Variants in DYM observed in about 807,000 individuals in gnomAD.
DYM encodes the protein dymeclin, also known as dyggve-Melchior-Clausen syndrome protein.
In DYM, 78 loss-of-function variants were observed where a neutral mutation model predicts 93.1. The ratio of observed to expected loss-of-function variants is 0.84; its 90% confidence interval spans 0.70 to 1.01. The LOEUF is 1.01. Among genes scored for constraint, DYM ranks in the 50% least tolerant of loss-of-function variants. DYM has a pLI of 0.00. For synonymous variants in DYM, 321 were observed against 319.7 expected (o/e 1.00, Z -0.04); for missense variants, 789 against 845.0 (o/e 0.93, Z 0.82).
In DYM at chr18:49,333,900, A is replaced by G. The variant is rs1179497757; in HGVS notation, c.495-47T>C. 5.1e-6 allele frequency: 8 copies of G among 1,556,218 alleles called. No individual in the cohort carries two copies. In the South Asian group the frequency reaches 9.0e-5, roughly 17 times the overall value. On this transcript the variant is annotated intron_variant, in intron 6 of 17. Coordinates refer to ENST00000675505, the MANE Select transcript of DYM (RefSeq NM_001353214.3). ...GTAACAGTCACTTTGGAAGATTAAG[A>G]CACTATTCTTTTCTAAATGAACTAT...
chr18:49,065,861 C>T (rs564451360), intron 17 of DYM, among the ~76,000 whole-genome samples: 8 of 152,010 alleles, frequency 5.3e-5, no homozygotes, highest in South Asian at 2.1e-4. Flanking sequence ...AGAGCAAAAA[C>T]GGGTGAAATC....
At chr18:49,145,375 T>A (rs2085008249) in intron 15 of DYM, among the ~76,000 whole-genome samples, 1 of 151,810 alleles carries the variant, frequency 6.6e-6, no homozygotes, top group African/African-American at 2.4e-5. Flanking sequence ...TATATTTAGG[T>A]TCACTGATTT....
intron 2 of DYM, among the ~76,000 whole-genome samples, chr18:49,418,941 T>TG (rs2073323056): frequency 6.6e-6 from 1 of 152,002 alleles, no homozygotes; most frequent in South Asian, 2.1e-4. Context: ...CTTGTGGCGG[T>TG]GGGGGTGGGA....
At chr18:49,260,282 A>G (rs112841682) in intron 11 of DYM, among the ~76,000 whole-genome samples, 2,182 of 152,304 alleles carry the variant, frequency 0.014, 54 homozygotes, top group African/African-American at 0.049. Flanking sequence ...CTCTGGAGGC[A>G]GAGGCATGAG....
rs182882041 is a variant in DYM, at chr18:49,159,434, T to C, written c.1728+4251A>G. Among the ~76,000 whole-genome samples the C allele has an allele frequency of 3.3e-5, 5 of 152,324 alleles. No homozygotes were observed. In the East Asian group the frequency reaches 9.6e-4, roughly 29 times the overall value. On this transcript the variant is annotated intron_variant, in intron 15 of 17. Transcript: ENST00000675505. ...TAAACAAGGTCTAAAAGATTATTAA[T>C]AAAAGCTATGAAGTCAAAAGGTCAG... is the stretch of plus-strand genomic sequence containing the variant.
At chr18:49,277,587 G>T (rs1215931460) in intron 10 of DYM, among the ~76,000 whole-genome samples, 1 of 152,136 alleles carries the variant, frequency 6.6e-6, no homozygotes, top group Admixed American at 6.5e-5. Flanking sequence ...CTCATGACGG[G>T]ATTAGTACCC....
intron 16 of DYM, 140 bp from the exon 17 acceptor site, chr18:49,097,655 C>T (rs764583772): frequency 1.1e-4 from 88 of 782,472 alleles, no homozygotes; most frequent in East Asian, 2.1e-4. Context: ...CCCTCCTAAA[C>T]GCAGTTTGCT....
chr18:49,235,546 G>A (rs1461619898), intron 13 of DYM, among the ~76,000 whole-genome samples: 1 of 152,152 alleles, frequency 6.6e-6, no homozygotes, highest in African/African-American at 2.4e-5. Flanking sequence ...AAGATATGGT[G>A]TGATACTTCA....
At chr18:49,308,122 A>C (rs1377165142) in intron 8 of DYM, among the ~76,000 whole-genome samples, 2 of 152,326 alleles carry the variant, frequency 1.3e-5, no homozygotes, top group Non-Finnish European at 2.9e-5. Flanking sequence ...ATCTATACAT[A>C]TATCTAGGAA....
chr18:49,279,913 G>C (rs2094929271), intron 10 of DYM, among the ~76,000 whole-genome samples: 1 of 152,072 alleles, frequency 6.6e-6, no homozygotes, highest in African/African-American at 2.4e-5. Context: ...ATGAATTCTA[G>C]TATTCCATGT....
At chr18:49,342,136 G>A (rs556206722) in intron 6 of DYM, among the ~76,000 whole-genome samples, 34 of 152,278 alleles carry the variant, frequency 2.2e-4, no homozygotes, top group Middle Eastern at 3.4e-3. Flanking sequence ...TTTCCTCGTG[G>A]TTGTAGGACC....
intron 15 of DYM, among the ~76,000 whole-genome samples, chr18:49,159,166 A>G (rs556688663): frequency 6.6e-6 from 1 of 152,352 alleles, no homozygotes; most frequent in African/African-American, 2.4e-5. Context: ...CATTGTACAA[A>G]ACAATTGACT....
chr18:49,333,403 T>C (rs1419276453), intron 7 of DYM, among the ~76,000 whole-genome samples: 1 of 152,132 alleles, frequency 6.6e-6, no homozygotes, highest in Non-Finnish European at 1.5e-5. Flanking sequence ...GATACAAAAA[T>C]AATCTGAATA....
At chr18:49,367,378 T>C (rs921761878) in intron 5 of DYM, among the ~76,000 whole-genome samples, 5 of 152,154 alleles carry the variant, frequency 3.3e-5, no homozygotes, top group Non-Finnish European at 5.9e-5. Context: ...CTAGGGTCCC[T>C]TAAGGTTCTA....
intron 15 of DYM, among the ~76,000 whole-genome samples, chr18:49,137,215 G>A (rs993607159): frequency 2.6e-5 from 4 of 152,148 alleles, no homozygotes; most frequent in Non-Finnish European, 5.9e-5. Flanking sequence ...TCATCATGGT[G>A]GTGCCATGAG....
chr18:49,419,951 A>G (rs745978909), intron 2 of DYM, among the ~76,000 whole-genome samples: 6 of 152,194 alleles, frequency 3.9e-5, no homozygotes, highest in Non-Finnish European at 5.9e-5. Flanking sequence ...TCACTATCAC[A>G]TGAGCAGCAG....
At chr18:49,196,665 G>C (rs2091479580) in intron 14 of DYM, among the ~76,000 whole-genome samples, 1 of 152,140 alleles carries the variant, frequency 6.6e-6, no homozygotes, top group African/African-American at 2.4e-5. Flanking sequence ...CATGCAAAAA[G>C]TCCTGAGATA....
chr18:49,444,080 G>A (rs1350292130), intron 1 of DYM, among the ~76,000 whole-genome samples: 1 of 152,144 alleles, frequency 6.6e-6, no homozygotes, highest in African/African-American at 2.4e-5. Context: ...AGGCTTAGCT[G>A]GACAAAATTT....
intron 17 of DYM, among the ~76,000 whole-genome samples, chr18:49,062,085 A>T (rs1218380762): frequency 6.6e-6 from 1 of 152,166 alleles, no homozygotes; most frequent in Non-Finnish European, 1.5e-5. Context: ...CAGGCCTGAT[A>T]GCCTCATAGC....
Sources: allele counts gnomAD v4.1 joint callset (sites outside exome capture counted in the v4.1 genomes callset), GRCh38; gene constraint gnomAD v4.1.1; transcripts MANE v1.5; gene names NCBI Gene and HGNC (gene_info 2026-07-23, HGNC 2026-07-21).